The following DNM1 variants were observed in gnomAD, a reference collection of about 807,000 sequenced individuals.
The protein encoded by DNM1 is dynamin-1.
Under a neutral mutation model 104.6 loss-of-function variants are expected in DNM1, and 29 were observed. The ratio of observed to expected loss-of-function variants is 0.28; its 90% confidence interval spans 0.21 to 0.38. The LOEUF (loss-of-function observed/expected upper bound fraction) is 0.38, where lower values mean the gene tolerates loss of function less well. DNM1 is among the 10% of genes least tolerant of loss of function. The pLI is 1.00. For synonymous variants in DNM1, 445 were observed against 475.8 expected (o/e 0.94, Z 0.84); for missense variants, 640 against 1,189.4 (o/e 0.54, Z 6.79).
In DNM1 at chr9:128,248,276, AC is replaced by A. The variant is rs1281937324; in HGVS notation, c.1906-306del. On this transcript the variant is annotated intron_variant, in intron 18 of 21. Coordinates refer to ENST00000372923, the MANE Select transcript of DNM1 (RefSeq NM_004408.4). The surrounding 1 kb of genome is among the most constrained non-coding windows in gnomAD (Gnocchi z 5.6). ...CAGGAGGAGGTTGCAATGAGCCAAT[AC>A]AGCACCACTGCACTCCAGCCTGGGT... 1 of 499,598 alleles carries A rather than the reference AC, an allele frequency of 2.0e-6. No homozygotes were observed. 30.9% of individuals were successfully genotyped at this position (499,598 alleles called of 1,614,324 possible).
rs892646569 is a variant in DNM1 at position 128,254,547 on chromosome 9, ACCACTGCTGCGGCGCGGCCGG to A, written c.2535-104_2535-84del. 61 of 1,471,690 alleles carry A rather than the reference ACCACTGCTGCGGCGCGGCCGG, an allele frequency of 4.1e-5. No individual in the cohort carries two copies. The highest frequency in any genetic ancestry group is 5.4e-5 in the Non-Finnish European group (60 of 1,106,758). 91.2% of individuals were successfully genotyped at this position (1,471,690 alleles called of 1,614,324 possible). On this transcript the variant is annotated intron_variant, in intron 21 of 21. Transcript: ENST00000372923. This position sits in a 1 kb window ranked among gnomAD's most constrained non-coding sequence, Gnocchi z 6.1. The stretch of plus-strand genomic sequence containing the variant: ...GCAGCCTCCCCTCCCCGGCCCTCCC[ACCACTGCTGCGGCGCGGCCGG>A]CCCCGGCCGTGTGCTGCGCTTGCCT...
At chr9:128,216,519 G>A (rs1295735850) in intron 1 of DNM1, among the ~76,000 whole-genome samples, 1 of 152,196 alleles carries the variant, frequency 6.6e-6, no homozygotes, top group Non-Finnish European at 1.5e-5. Flanking sequence ...AGGCTGCCCT[G>A]CTCACTGTCT....
At position 128,220,753 on chromosome 9, in the gene DNM1, G is replaced by T. The variant is rs2131162242; in HGVS notation, c.849+412G>T. On this transcript the variant is annotated intron_variant, in intron 6 of 21. Coordinates refer to ENST00000372923, the MANE Select transcript of DNM1 (RefSeq NM_004408.4). This position sits in a 1 kb window ranked among gnomAD's most constrained non-coding sequence, Gnocchi z 5.2. ...TGCGCGCGCGCGCGCGTGTGTGTGT[G>T]TGTGTGTGTGTGTGTCTGTCTGACT... Among the ~76,000 whole-genome samples the T allele has an allele frequency of 6.6e-6, 1 of 151,702 alleles. No individual in the cohort carries two copies. The highest frequency in any genetic ancestry group is 6.6e-5 in the Admixed American group (1 of 15,240).
chr9:128,222,678 T>C lies in DNM1; in HGVS notation c.1128+82T>C, dbSNP rs941270754. On this transcript the variant is annotated intron_variant, in intron 8 of 21. Coordinates refer to ENST00000372923, the MANE Select transcript of DNM1 (RefSeq NM_004408.4). This position sits in a 1 kb window ranked among gnomAD's most constrained non-coding sequence, Gnocchi z 7.8. ...GGACTCTCTCTGCGTGTGTTTTTGC[T>C]GGCCCCCACCCCACAGGCCCTGATG... is the stretch of plus-strand genomic sequence containing the variant. The C allele has an allele frequency of 1.4e-5, 22 of 1,602,300 alleles. No individual in the cohort carries two copies. The highest frequency in any genetic ancestry group is 6.7e-5 in the South Asian group (6 of 90,092).
At position 128,247,922 on chromosome 9, in the gene DNM1, A is replaced by G; in HGVS notation, c.1894-2A>G. On this transcript the variant is annotated splice_acceptor_variant, in intron 17 of 21. Coordinates refer to ENST00000372923, the MANE Select transcript of DNM1 (RefSeq NM_004408.4). LOFTEE classifies it high-confidence loss of function. The surrounding 1 kb of genome is among the most constrained non-coding windows in gnomAD (Gnocchi z 5.1). The stretch of plus-strand genomic sequence containing the variant: ...GGCAATGTTGGTGTGTGGGCCTCCC[A>G]GGACAAAGAGAAAGTGAGTGTGCCC... 2 of 1,614,034 alleles carry G rather than the reference A, an allele frequency of 1.2e-6. No individual in the cohort carries two copies. The highest frequency in any genetic ancestry group is 1.7e-6 in the Non-Finnish European group (2 of 1,179,988).
intron 1 of DNM1, among the ~76,000 whole-genome samples, chr9:128,216,725 C>A (rs1021046156): frequency 6.6e-6 from 1 of 152,184 alleles, no homozygotes; most frequent in African/African-American, 2.4e-5. Context: ...TACCTAAGAC[C>A]CTTAGCTCCT....
At chr9:128,251,116 GC>G in intron 21 of DNM1, 176 bp downstream of exon 21, 1 of 651,374 alleles carries the variant, frequency 1.5e-6, no homozygotes, top group South Asian at 1.6e-5. Context: ...GGCGGAGCCT[GC>G]CCCCGAGGGA....
At chr9:128,221,836 G>T (rs2131170746) in intron 6 of DNM1, among the ~76,000 whole-genome samples, 2 of 152,246 alleles carry the variant, frequency 1.3e-5, no homozygotes, top group East Asian at 1.9e-4. Flanking sequence ...GAGATCGCAG[G>T]TTGCAGTGAG....
intron 10 of DNM1, among the ~76,000 whole-genome samples, chr9:128,228,610 T>C (rs1240520836): frequency 6.6e-6 from 1 of 152,216 alleles, no homozygotes; most frequent in Non-Finnish European, 1.5e-5. Flanking sequence ...GAATCTATCC[T>C]AAGGAAACAA....
rs1277527839 is a variant in DNM1 at position 128,220,160 on chromosome 9, T to A, written c.689-21T>A. On this transcript the variant is annotated intron_variant, in intron 5 of 21. Transcript: ENST00000372923. The surrounding 1 kb of genome is among the most constrained non-coding windows in gnomAD (Gnocchi z 5.2). ...CCCCTCCTCTTGAGGCTGGTTGCCC[T>A]GACCTTGATACTGTTCACAGGCTAC... 13 of 1,613,716 alleles carry A rather than the reference T, an allele frequency of 8.1e-6. No individual in the cohort carries two copies. The highest frequency in any genetic ancestry group is 1.1e-5 in the Non-Finnish European group (13 of 1,179,708).
intron 1 of DNM1, among the ~76,000 whole-genome samples, chr9:128,212,374 T>G (rs1041669026): frequency 6.6e-6 from 1 of 152,042 alleles, no homozygotes; most frequent in Non-Finnish European, 1.5e-5. Flanking sequence ...ACTTCGGAGA[T>G]TGAGGTGGGA....
Position 128,211,093 on chromosome 9 carries a change from A to C in DNM1, c.162-7138A>C, listed in dbSNP as rs192481392. Among the ~76,000 whole-genome samples, 13 of 152,098 alleles carry C rather than the reference A, an allele frequency of 8.5e-5. No individual in the cohort carries two copies. In the East Asian group the frequency reaches 2.5e-3, roughly 29 times the overall value. On this transcript the variant is annotated intron_variant, in intron 1 of 21. Transcript: ENST00000372923. ...GCCTGCCGGCTCCCCCATCCTCCCC[A>C]TCTGACTTGGTCCCCATGCCCTGTG...
intron 15 of DNM1, chr9:128,244,805 G>A (rs1399178030): frequency 1.9e-6 from 1 of 534,060 alleles, no homozygotes; most frequent in Non-Finnish European, 3.9e-6. Context: ...TAAACACTGG[G>A]TAGACGGAGT....
rs776700608 is a variant in DNM1 at position 128,224,443 on chromosome 9, T to G, written c.1335+54T>G. On this transcript the variant is annotated intron_variant, in intron 10 of 21. Transcript: ENST00000372923. The surrounding 1 kb of genome is among the most constrained non-coding windows in gnomAD (Gnocchi z 4.3). ...CCGCCTCTGCCCCGCCCTGCACTGC[T>G]GCCAGGCGCTCCTTCCCCATGTCCC... is the stretch of plus-strand genomic sequence containing the variant. The G allele has an allele frequency of 1.2e-4, 186 of 1,544,736 alleles. No individual in the cohort carries two copies. The highest frequency in any genetic ancestry group is 1.6e-4 in the Non-Finnish European group (182 of 1,136,862).
chr9:128,249,964 C>A, intron 19 of DNM1, 151 bp from the exon 20 acceptor site: 1 of 1,128,800 alleles, frequency 8.9e-7, no homozygotes, highest in Non-Finnish European at 1.3e-6. Context: ...GTGAGAAAAG[C>A]GCGGTGGGGA....
chr9:128,244,790 T>C, intron 15 of DNM1: 1 of 534,322 alleles, frequency 1.9e-6, no homozygotes, highest in Non-Finnish European at 3.8e-6. Context: ...CCTGAACAGA[T>C]AGTCTAAACA....
In DNM1 at chr9:128,220,045, C is replaced by T; in HGVS notation, c.647C>T (p.Ala216Val). 1 of 1,609,106 alleles carries T rather than the reference C, an allele frequency of 6.2e-7. No homozygotes were observed. Among genetic ancestry groups the T allele is most frequent in the Non-Finnish European group, 8.5e-7 (1 of 1,177,484 alleles). Residue 216 changes from alanine (A) to valine (V), a missense_variant, in exon 5 of 22, where the codon GCC becomes GTC. By Grantham distance (64) the Ala-to-Val change is moderately conservative. Coordinates refer to ENST00000372923, the MANE Select transcript of DNM1 (RefSeq NM_004408.4). The surrounding 1 kb of genome is among the most constrained non-coding windows in gnomAD (Gnocchi z 5.2). Reference sequence around the variant, plus strand: ...GACCTGATGGACGAGGGCACAGATGCCCGTGATGTGCTGGAGAACAAGCTG... The same window carrying T: ...GACCTGATGGACGAGGGCACAGATGTCCGTGATGTGCTGGAGAACAAGCTG... The part of the protein sequence containing the change: ...KLDLMDEGTD[A>V]RDVLENKLLP...
Position 128,220,913 on chromosome 9 carries a change from C to CTTTCT in DNM1, c.849+575_849+579dup, listed in dbSNP as rs1834947237. Among the ~76,000 whole-genome samples, 1 of 147,210 alleles carries CTTTCT rather than the reference C, an allele frequency of 6.8e-6. No individual in the cohort carries two copies. The highest frequency in any genetic ancestry group is 1.5e-5 in the Non-Finnish European group (1 of 66,432). Reference sequence around the variant, plus strand: ...TCTTTCTTTCTTTCTTTCTTTCTTTCTTTCTTTCTTTCTTTCTTTCTTTTC... The same window carrying CTTTCT: ...TCTTTCTTTCTTTCTTTCTTTCTTTCTTTCTTTTCTTTCTTTCTTTCTTTCTTTTC... On this transcript the variant is annotated intron_variant, in intron 6 of 21. Coordinates refer to ENST00000372923, the MANE Select transcript of DNM1 (RefSeq NM_004408.4). The surrounding 1 kb of genome is among the most constrained non-coding windows in gnomAD (Gnocchi z 5.2).
chr9:128,211,663 T>C (rs949590521), intron 1 of DNM1, among the ~76,000 whole-genome samples: 4 of 152,018 alleles, frequency 2.6e-5, no homozygotes, highest in African/African-American at 9.7e-5. Context: ...TCCAGGTGGC[T>C]GGCCCCTGGA....
Sources: allele counts gnomAD v4.1 joint callset (sites outside exome capture counted in the v4.1 genomes callset), GRCh38; gene constraint gnomAD v4.1.1; non-coding constraint Gnocchi (gnomAD v3.1); transcripts MANE v1.5; gene names NCBI Gene and HGNC (gene_info 2026-07-23, HGNC 2026-07-21).